SIN3A: variants seen among roughly 807,000 people sequenced by gnomAD.
The protein encoded by SIN3A is paired amphipathic helix protein Sin3a.
In SIN3A, 14 loss-of-function variants were observed where a neutral mutation model predicts 146.1. The observed-to-expected ratio is 0.10, with a 90% CI of 0.06 to 0.15. The LOEUF (loss-of-function observed/expected upper bound fraction) is 0.15. Ranked by LOEUF, SIN3A falls within the 10% of genes least tolerant of loss-of-function variation. The pLI is 1.00. For synonymous variants in SIN3A, 572 were observed against 572.0 expected (o/e 1.00, Z 0.00); for missense variants, 1,028 against 1,576.0 (o/e 0.65, Z 5.89).
chr15:75,425,274 G>C (rs1401882889), intron 2 of SIN3A, among the ~76,000 whole-genome samples: 5 of 152,172 alleles, frequency 3.3e-5, no homozygotes, highest in African/African-American at 1.2e-4. Flanking sequence ...AGGTTCAAGC[G>C]ATTCTCCTGC....
intron 3 of SIN3A, among the ~76,000 whole-genome samples, chr15:75,417,403 T>C (rs1310530974): frequency 6.7e-6 from 1 of 148,648 alleles, no homozygotes; most frequent in Non-Finnish European, 1.5e-5. Context: ...GAGATGGGAG[T>C]CTCATTTTGT....
upstream of SIN3A, chr15:75,451,863 C>G (rs2074417607): frequency 6.6e-6 from 1 of 152,242 alleles, no homozygotes; most frequent in South Asian, 2.1e-4. Flanking sequence ...GAGCCGCTCT[C>G]CTTCTCCACG....
At chr15:75,380,994 T>G (rs2072953688) in intron 18 of SIN3A, 1 of 287,082 alleles carries the variant, frequency 3.5e-6, no homozygotes, top group African/African-American at 2.1e-5. Flanking sequence ...AAGTTTCATT[T>G]CCCCACAGAG....
chr15:75,383,271 TAAAA>T (rs79340346), intron 17 of SIN3A, among the ~76,000 whole-genome samples: 1 of 129,120 alleles, frequency 7.7e-6, no homozygotes. Flanking sequence ...GTCCCTGTCT[TAAAA>T]AAAAAAAAAA....
intron 4 of SIN3A, among the ~76,000 whole-genome samples, chr15:75,413,950 C>T (rs1041585416): frequency 2.0e-5 from 3 of 152,130 alleles, no homozygotes; most frequent in African/African-American, 7.2e-5. Context: ...TAGCCTAAAT[C>T]ACTACCAGTG....
chr15:75,452,465 C>G (rs1254306671), upstream of SIN3A, among the ~76,000 whole-genome samples: 2 of 152,250 alleles, frequency 1.3e-5, no homozygotes, highest in Non-Finnish European at 2.9e-5. Flanking sequence ...AGAACTCATC[C>G]TTCCGTCCAG....
intron 2 of SIN3A, among the ~76,000 whole-genome samples, chr15:75,424,220 G>T (rs1351590375): frequency 6.6e-6 from 1 of 151,794 alleles, no homozygotes; most frequent in Non-Finnish European, 1.5e-5. Flanking sequence ...ATCACCTGAG[G>T]TTGGGAGTTC....
chr15:75,442,120 C>CA (rs57418865), intron 1 of SIN3A, among the ~76,000 whole-genome samples: 4,474 of 29,308 alleles, frequency 0.15, 1,247 homozygotes, highest in Non-Finnish European at 0.18. Context: ...GACTCTGTCT[C>CA]AAAAAAAAAA....
In SIN3A at chr15:75,430,372, T is replaced by G; in HGVS notation, c.4A>C (p.Lys2Gln). The G allele has an allele frequency of 6.2e-7, 1 of 1,609,194 alleles. No individual in the cohort carries two copies. The highest frequency in any genetic ancestry group is 8.5e-7 in the Non-Finnish European group (1 of 1,177,842). The change falls in exon 2 of 21, where the codon AAG (lysine) becomes CAG (glutamine). Residue 2 changes from lysine to glutamine, a missense_variant. Physicochemically the swap from Lys to Gln is moderately conservative, Grantham distance 53. Coordinates refer to ENST00000394947, the MANE Select transcript of SIN3A (RefSeq NM_001145358.2). ...GACTCCTGGTCATCCAAACGCCGCT[T>G]CATTCTGTGCTCATGCTCAGGGATG... M[K>Q]RRLDDQESPV...
At chr15:75,452,268 C>A (rs2074423726), upstream of SIN3A, among the ~76,000 whole-genome samples, 2 of 152,198 alleles carry the variant, frequency 1.3e-5, no homozygotes, top group Admixed American at 1.3e-4. Context: ...CTAATTCCAC[C>A]CTGCGCGAGG....
At chr15:75,412,165 A>G (rs1310261138) in intron 5 of SIN3A, among the ~76,000 whole-genome samples, 1 of 152,212 alleles carries the variant, frequency 6.6e-6, no homozygotes, top group Non-Finnish European at 1.5e-5. Context: ...GATGATGGAA[A>G]TGTCCTTTAT....
At chr15:75,381,816 C>G in intron 17 of SIN3A, 111 bp from the exon 18 acceptor site, 1 of 880,676 alleles carries the variant, frequency 1.1e-6, no homozygotes. Flanking sequence ...TTTGCTCCAA[C>G]TGAAGAGATG....
At chr15:75,425,025 A>G (rs767913002) in intron 2 of SIN3A, among the ~76,000 whole-genome samples, 1 of 152,198 alleles carries the variant, frequency 6.6e-6, no homozygotes, top group Non-Finnish European at 1.5e-5. Context: ...AGCACATTAC[A>G]CTGGCTGACA....
intron 1 of SIN3A, among the ~76,000 whole-genome samples, chr15:75,450,091 T>C (rs1489257144): frequency 6.6e-6 from 1 of 152,012 alleles, no homozygotes; most frequent in Non-Finnish European, 1.5e-5. Flanking sequence ...GGAAACTAAG[T>C]TTATATAGCA....
chr15:75,438,167 C>A (rs1291945604), intron 1 of SIN3A, among the ~76,000 whole-genome samples: 1 of 152,118 alleles, frequency 6.6e-6, no homozygotes, highest in African/African-American at 2.4e-5. Context: ...TCAAAACCAG[C>A]CTGGCCAACA....
At position 75,375,807 on chromosome 15, in the gene SIN3A, C is replaced by A; in HGVS notation, c.3449G>T (p.Gly1150Val). ...ATTCTCCATGGTCTTCTTGCTGTTT[C>A]CTTCCTTCCCTTCCTTTTCCTGCTG... The part of the protein sequence containing the change: ...REQQEKEGKE[G>V]NSKKTMENVD... The change falls in exon 20 of 21, where the codon GGA becomes GTA. Residue 1150 changes from glycine (G) to valine (V), a missense_variant. By Grantham distance (109) the Gly-to-Val change is moderately radical. This residue lies in a region of SIN3A where 488 missense variants were observed against 690.2 expected (regional missense o/e 0.71). Coordinates refer to ENST00000394947, the MANE Select transcript of SIN3A (RefSeq NM_001145358.2). 6.2e-7 allele frequency: 1 copy of A among 1,614,188 alleles called. No individual in the cohort carries two copies. The highest frequency in any genetic ancestry group is 8.5e-7 in the Non-Finnish European group (1 of 1,180,034).
chr15:75,426,640 A>G (rs1310614338), intron 2 of SIN3A, among the ~76,000 whole-genome samples: 1 of 152,190 alleles, frequency 6.6e-6, no homozygotes, highest in Non-Finnish European at 1.5e-5. Context: ...CAAAAAGAAA[A>G]GCAGAAAGGG....
At chr15:75,403,105 T>C (rs2073441786) in intron 9 of SIN3A, among the ~76,000 whole-genome samples, 1 of 152,144 alleles carries the variant, frequency 6.6e-6, no homozygotes, top group Non-Finnish European at 1.5e-5. Flanking sequence ...TGAGGAATCA[T>C]TTTACTATTC....
At chr15:75,405,502 C>A (rs947370345) in intron 9 of SIN3A, among the ~76,000 whole-genome samples, 1 of 151,926 alleles carries the variant, frequency 6.6e-6, no homozygotes, top group Admixed American at 6.6e-5. Flanking sequence ...CACCTGTAAT[C>A]CCAGCATTTT....
Sources: allele counts gnomAD v4.1 joint callset (sites outside exome capture counted in the v4.1 genomes callset), GRCh38; gene constraint gnomAD v4.1.1; regional missense constraint gnomAD v4.1.1; transcripts MANE v1.5; gene names NCBI Gene and HGNC (gene_info 2026-07-23, HGNC 2026-07-21).